OSGEPL1: variants seen among roughly 807,000 people sequenced by gnomAD.
OSGEPL1 encodes tRNA N6-adenosine threonylcarbamoyltransferase, mitochondrial.
A neutral mutation model predicts 37.2 loss-of-function variants in OSGEPL1; 26 were observed. That is an observed-to-expected ratio of 0.70 (90% CI 0.51 to 0.97). The LOEUF (loss-of-function observed/expected upper bound fraction) is 0.97, where lower values mean the gene tolerates loss of function less well. Among genes scored for constraint, OSGEPL1 ranks in the 50% least tolerant of loss-of-function variants. The pLI is 0.00. For missense variants in OSGEPL1, 404 were observed against 487.0 expected, an observed-to-expected ratio of 0.83 and a Z score of 1.60; for synonymous variants, 140 against 159.9, an observed-to-expected ratio of 0.88 and a Z score of 0.94.
upstream of OSGEPL1, chr2:189,763,075 G>C (rs1203705502): frequency 1.0e-6 from 1 of 985,062 alleles, no homozygotes; most frequent in Non-Finnish European, 1.2e-6. Flanking sequence ...GCTGGAATTT[G>C]GTTGCTACTG....
chr2:189,762,268 C>G (rs554722283), intron 1 of OSGEPL1, among the ~76,000 whole-genome samples: 1 of 152,294 alleles, frequency 6.6e-6, no homozygotes, highest in South Asian at 2.1e-4. Flanking sequence ...AAAATAATAG[C>G]AGCCCATCAC....
In OSGEPL1 at chr2:189,752,958, T is replaced by G. The variant is rs900961186; in HGVS notation, c.985A>C (p.Ser329Arg). The change falls in exon 6 of 9, where the codon AGT becomes CGT. Residue 329 changes from serine to arginine, a missense_variant. Transcript: ENST00000264151. ...AGAGCTCTGCGGATATAGAAGTTAC[T>G]TGCGACACCACCAGATGCAACCTGA... ...AVLVASGGVA[S>R]NFYIRRALEI... 27 of 1,612,426 alleles carry G rather than the reference T, an allele frequency of 1.7e-5. No individual in the cohort carries two copies. The highest frequency in any genetic ancestry group is 5.1e-6 in the Non-Finnish European group (6 of 1,179,468).
chr2:189,757,929 G>A (rs1474385516), intron 2 of OSGEPL1, among the ~76,000 whole-genome samples: 2 of 152,196 alleles, frequency 1.3e-5, no homozygotes, highest in Non-Finnish European at 2.9e-5. Flanking sequence ...TGCTCACTTA[G>A]TGATATGGTT....
chr2:189,747,659 T>C, intron 8 of OSGEPL1, among the ~76,000 whole-genome samples: 1 of 152,182 alleles, frequency 6.6e-6, no homozygotes, highest in East Asian at 1.9e-4. Flanking sequence ...TACAAACACC[T>C]GGCTTCACTG....
In OSGEPL1 at chr2:189,755,273, A is replaced by G; in HGVS notation, c.509T>C (p.Ile170Thr). 3.7e-6 allele frequency: 6 copies of G among 1,613,566 alleles called. No homozygotes were observed. The highest frequency in any genetic ancestry group is 5.1e-6 in the Non-Finnish European group (6 of 1,179,766). The change falls in exon 3 of 9, where the codon ATT becomes ACT. Residue 170 changes from isoleucine (I) to threonine (T), a missense_variant. Transcript: ENST00000264151. ...KVEFPFLVLL[I>T]SGGHCLLALV... is the part of the protein sequence containing the mutation. ...TGCCAACAGACAGTGACCTCCAGAA[A>G]TCAAAAGAACTAAAAAAGGAAATTC...
chr2:189,750,787 T>C (rs1461304027), intron 7 of OSGEPL1, 131 bp from the exon 8 acceptor site: 1 of 588,700 alleles, frequency 1.7e-6, no homozygotes, highest in African/African-American at 1.9e-5. Flanking sequence ...GTGATGATTC[T>C]TAAATACTTA....
rs770695272 is a variant in OSGEPL1 at position 189,755,283 on chromosome 2, CT to C, written c.498del (p.Val167PhefsTer3). On this transcript the variant is annotated frameshift_variant, in exon 3 of 9. Coordinates refer to ENST00000264151, the MANE Select transcript of OSGEPL1 (RefSeq NM_022353.3). LOFTEE classifies it high-confidence loss of function. Reference protein sequence around the residue: ...RLTNKVEFPFLVLLISGGHCL... With the variant: ...RLTNKVEFPFXVLLISGGHCL... Reference sequence around the variant, plus strand: ...CAGTGACCTCCAGAAATCAAAAGAACTAAAAAAGGAAATTCTACTTTATTGG... The same window carrying C: ...CAGTGACCTCCAGAAATCAAAAGAACAAAAAAGGAAATTCTACTTTATTGG... 1 of 1,613,222 alleles carries C rather than the reference CT, an allele frequency of 6.2e-7. No homozygotes were observed. The highest frequency in any genetic ancestry group is 8.5e-7 in the Non-Finnish European group (1 of 1,179,682).
chr2:189,756,313 AC>A, intron 2 of OSGEPL1, among the ~76,000 whole-genome samples: 1 of 152,156 alleles, frequency 6.6e-6, no homozygotes, highest in East Asian at 1.9e-4. Context: ...GAACTAAGAG[AC>A]AAATTTGCTA....
At position 189,761,407 on chromosome 2, in the gene OSGEPL1, A is replaced by G; in HGVS notation, c.221+13T>C. The G allele has an allele frequency of 1.3e-6, 2 of 1,585,006 alleles. No homozygotes were observed. The highest frequency in any genetic ancestry group is 1.7e-6 in the Non-Finnish European group (2 of 1,170,962). On this transcript the variant is annotated intron_variant, in intron 2 of 8. Coordinates refer to ENST00000264151, the MANE Select transcript of OSGEPL1 (RefSeq NM_022353.3). ...CCAAAAAAGTGGAAATGACTAAGAT[A>G]ATGTCTACTTACTTTAAATGAACTT...
Position 189,762,706 on chromosome 2 carries a change from C to G in OSGEPL1, c.-42G>C, listed in dbSNP as rs1173647187. ...CCACCTTCCACTTGGGCGGCAGTAGCTAGCACTTGTCTCCTTTCCCTACTA... is the reference window on the plus strand; with the variant it reads ...CCACCTTCCACTTGGGCGGCAGTAGGTAGCACTTGTCTCCTTTCCCTACTA... On this transcript the variant is annotated 5_prime_UTR_variant, in exon 1 of 9. Transcript: ENST00000264151. 1 of 985,306 alleles carries G rather than the reference C, an allele frequency of 1.0e-6. No individual in the cohort carries two copies. Among genetic ancestry groups the G allele is most frequent in the African/African-American group, 1.7e-5 (1 of 57,220 alleles). The allele number at this position is 985,306 out of a possible 1,614,324, so 61.0% of individuals were successfully genotyped here.
intron 2 of OSGEPL1, among the ~76,000 whole-genome samples, chr2:189,758,614 GAACT>G (rs1209317959): frequency 3.9e-5 from 6 of 152,176 alleles, no homozygotes; most frequent in Admixed American, 1.3e-4. Context: ...GTGCAAGAAT[GAACT>G]AACACAGGTT....
intron 2 of OSGEPL1, among the ~76,000 whole-genome samples, chr2:189,759,405 C>T (rs182150004): frequency 2.7e-3 from 415 of 152,274 alleles, no homozygotes; most frequent in African/African-American, 9.3e-3. Context: ...TCCGCCACCA[C>T]GCCTGGCTAA....
chr2:189,762,953 T>C (rs1173834302), upstream of OSGEPL1: 8 of 985,218 alleles, frequency 8.1e-6, no homozygotes, highest in Non-Finnish European at 9.6e-6. Context: ...TTCTGTAAAA[T>C]TACACAGCTA....
In OSGEPL1 at chr2:189,754,441, A is replaced by G. The variant is rs562547248; in HGVS notation, c.610-96T>C. On this transcript the variant is annotated intron_variant, in intron 3 of 8. Transcript: ENST00000264151. ...AATTGAAAATTACTAACAAAACAAAAAACCCCTGAATGAATAAAACATGCT... is the reference window on the plus strand; with the variant it reads ...AATTGAAAATTACTAACAAAACAAAGAACCCCTGAATGAATAAAACATGCT... The G allele has an allele frequency of 2.9e-4, 331 of 1,148,666 alleles. 1 individual carries two copies. Among genetic ancestry groups the G allele is most frequent in the Admixed American group, 2.0e-3 (70 of 35,466 alleles). 71.2% of individuals were successfully genotyped at this position (1,148,666 alleles called of 1,614,324 possible). A position where few individuals can be genotyped will look rare whatever the true frequency, so the allele number is the denominator to read the frequency against.
In OSGEPL1 at chr2:189,753,881, G is replaced by A. The variant is rs1035055539; in HGVS notation, c.963+35C>T. On this transcript the variant is annotated intron_variant, in intron 5 of 8. Coordinates refer to ENST00000264151, the MANE Select transcript of OSGEPL1 (RefSeq NM_022353.3). Reference sequence around the variant, plus strand: ...TGGGAAAAAAGTAACATATTGCAAAGTGTAACTATTACTATAAAATGAGAT... The same window carrying A: ...TGGGAAAAAAGTAACATATTGCAAAATGTAACTATTACTATAAAATGAGAT... 18 of 1,604,774 alleles carry A rather than the reference G, an allele frequency of 1.1e-5. No individual in the cohort carries two copies. The Admixed American group carries it at 2.9e-4, about 25-fold the overall frequency.
intron 8 of OSGEPL1, among the ~76,000 whole-genome samples, chr2:189,747,503 T>C (rs1226200005): frequency 2.6e-5 from 4 of 152,188 alleles, no homozygotes; most frequent in Non-Finnish European, 4.4e-5. Flanking sequence ...CTTTTGTGGC[T>C]AACAGTGTTG....
At chr2:189,749,546 A>T (rs1291183048) in intron 8 of OSGEPL1, among the ~76,000 whole-genome samples, 2 of 151,474 alleles carry the variant, frequency 1.3e-5, no homozygotes, top group Non-Finnish European at 2.9e-5. Flanking sequence ...AGTTTGGATT[A>T]AAAAAAAATC....
chr2:189,763,189 G>A, upstream of OSGEPL1: 6 of 985,162 alleles, frequency 6.1e-6, no homozygotes, highest in Non-Finnish European at 7.2e-6. Context: ...GGAGAAATAG[G>A]ATGGAATCTA....
intron 7 of OSGEPL1, 41 bp from the exon 8 acceptor site, chr2:189,750,697 A>G (rs2045035428): frequency 2.1e-6 from 3 of 1,455,168 alleles, no homozygotes; most frequent in Non-Finnish European, 2.8e-6. Context: ...TATTTGCTTC[A>G]TGATCCATCA....
Sources: gnomAD v4.1 joint callset for allele counts (sites outside exome capture counted in the v4.1 genomes callset) on GRCh38, gnomAD v4.1.1 for gene constraint, MANE v1.5 for transcripts, NCBI Gene and HGNC (gene_info 2026-07-23, HGNC 2026-07-21) for gene names.